Variants in ERCC6L2 observed in about 807,000 individuals in gnomAD.
ERCC6L2 encodes DNA excision repair protein ERCC-6-like 2.
A neutral mutation model predicts 132.0 loss-of-function variants in ERCC6L2; 77 were observed. The observed-to-expected ratio is 0.58, with a 90% confidence interval of 0.49 to 0.71. The LOEUF (loss-of-function observed/expected upper bound fraction) is 0.71, where lower values mean the gene tolerates loss of function less well. Ranked by LOEUF, ERCC6L2 falls within the 30% of genes least tolerant of loss-of-function variation. The pLI is 0.00. For missense variants in ERCC6L2, 1,542 were observed against 1,837.6 expected (o/e 0.84, Z 2.94); for synonymous variants, 583 against 632.4 (o/e 0.92, Z 1.17).
chr9:96,012,198 C>T, intron 18 of ERCC6L2, 27 bp from the exon 19 acceptor site: 1 of 1,191,514 alleles, frequency 8.4e-7, no homozygotes, highest in Non-Finnish European at 1.1e-6. Flanking sequence ...TGAAAATAAC[C>T]ACTAGTTTTG....
At chr9:96,004,493 A>C (rs1833795050) in intron 17 of ERCC6L2, 27 bp from the exon 18 acceptor site, 2 of 1,259,606 alleles carry the variant, frequency 1.6e-6, no homozygotes, top group Non-Finnish European at 2.1e-6. Context: ...TTTCAGACAT[A>C]GCTTTTGTTT....
At chr9:95,957,876 GTT>G (rs59212662) in intron 13 of ERCC6L2, among the ~76,000 whole-genome samples, 1 of 145,838 alleles carries the variant, frequency 6.9e-6, no homozygotes, top group African/African-American at 2.5e-5. Flanking sequence ...TTATGTTTTT[GTT>G]TTTTTTTTTA....
chr9:95,898,522 A>G (rs550427111), intron 3 of ERCC6L2, among the ~76,000 whole-genome samples: 1 of 152,282 alleles, frequency 6.6e-6, no homozygotes, highest in South Asian at 2.1e-4. Context: ...ATTCATATCC[A>G]TACTTCAGTT....
intron 15 of ERCC6L2, among the ~76,000 whole-genome samples, chr9:95,971,215 T>C (rs1055059813): frequency 5.9e-5 from 9 of 152,152 alleles, no homozygotes; most frequent in Non-Finnish European, 1.3e-4. Flanking sequence ...AACTATCAAT[T>C]TATACCAGTC....
intron 11 of ERCC6L2, among the ~76,000 whole-genome samples, chr9:95,931,519 G>C (rs1830338904): frequency 6.6e-6 from 1 of 152,086 alleles, no homozygotes; most frequent in African/African-American, 2.4e-5. Context: ...AGAATATATA[G>C]GAAGTAAATT....
chr9:96,019,536 T>G (rs1413381706), downstream of ERCC6L2, among the ~76,000 whole-genome samples: 1 of 152,096 alleles, frequency 6.6e-6, no homozygotes, highest in Non-Finnish European at 1.5e-5. Context: ...TCTCTCAGCT[T>G]CCTGCTCACC....
At position 96,034,714 on chromosome 9, in the gene ERCC6L2, T is replaced by G. The variant is rs540798397; in HGVS notation, c.*1504-4162T>G. Among the ~76,000 whole-genome samples the G allele has an allele frequency of 1.4e-3, 210 of 150,362 alleles. 1 individual carries two copies. Among genetic ancestry groups the G allele is most frequent in the South Asian group, 2.5e-3 (12 of 4,730 alleles). The stretch of plus-strand genomic sequence containing the variant: ...CTTCTGAGTTTGGGTGGGAATTCCC[T>G]GGGTGCTGCTGCAGCTGCCCAAGCT... On this transcript the variant is annotated intron_variant and NMD_transcript_variant, in intron 19 of 20. Coordinates refer to the ERCC6L2 transcript ENST00000670016.
At chr9:95,969,687 C>G (rs1013314936) in intron 14 of ERCC6L2, among the ~76,000 whole-genome samples, 1 of 152,156 alleles carries the variant, frequency 6.6e-6, no homozygotes, top group African/African-American at 2.4e-5. Context: ...GGCTTCCCAT[C>G]CCATTGCTGT....
intron 9 of ERCC6L2, among the ~76,000 whole-genome samples, chr9:95,923,942 G>A (rs1430530695): frequency 6.6e-6 from 1 of 151,996 alleles, no homozygotes; most frequent in Non-Finnish European, 1.5e-5. Flanking sequence ...ACCGAGGGAA[G>A]GGTGGGAAAA....
At chr9:95,934,810 G>A (rs1264528378) in intron 11 of ERCC6L2, among the ~76,000 whole-genome samples, 4 of 152,136 alleles carry the variant, frequency 2.6e-5, no homozygotes, top group Non-Finnish European at 5.9e-5. Flanking sequence ...CCAACACCAG[G>A]AATCATGAGC....
At chr9:95,914,215 T>C (rs901581387) in intron 4 of ERCC6L2, among the ~76,000 whole-genome samples, 4 of 152,236 alleles carry the variant, frequency 2.6e-5, no homozygotes, top group Non-Finnish European at 5.9e-5. Context: ...CATGTTTTAA[T>C]TTGCAGTTCT....
intron 3 of ERCC6L2, among the ~76,000 whole-genome samples, chr9:95,903,300 T>C (rs1828867675): frequency 6.6e-6 from 1 of 152,114 alleles, no homozygotes; most frequent in Non-Finnish European, 1.5e-5. Context: ...TATTCTGTCC[T>C]AATTATTTGT....
intron 14 of ERCC6L2, among the ~76,000 whole-genome samples, chr9:95,969,978 A>G (rs939176836): frequency 3.3e-5 from 5 of 152,194 alleles, no homozygotes; most frequent in Non-Finnish European, 5.9e-5. Context: ...CTTCTGCTAA[A>G]TGATACACCA....
intron 3 of ERCC6L2, among the ~76,000 whole-genome samples, chr9:95,900,643 T>G (rs1828725815): frequency 6.6e-6 from 1 of 152,170 alleles, no homozygotes; most frequent in Admixed American, 6.5e-5. Context: ...ATTTTTTTCT[T>G]TGTGATTACA....
downstream of ERCC6L2, chr9:96,021,034 C>T (rs1452429843): frequency 1.5e-5 from 7 of 454,818 alleles, no homozygotes; most frequent in African/African-American, 4.0e-5. The surrounding 1 kb of genome is among the most constrained non-coding windows in gnomAD (Gnocchi z 4.7). Context: ...CTCGCAGCGC[C>T]GCCGCGGCGA....
intron 14 of ERCC6L2, among the ~76,000 whole-genome samples, chr9:95,969,567 TTATC>T (rs1832320489): frequency 6.6e-6 from 1 of 152,154 alleles, no homozygotes; most frequent in African/African-American, 2.4e-5. Context: ...GAGTGGCCAT[TTATC>T]TATAATAACG....
At chr9:95,950,138 T>C (rs1224365291) in intron 12 of ERCC6L2, among the ~76,000 whole-genome samples, 4 of 152,096 alleles carry the variant, frequency 2.6e-5, no homozygotes, top group African/African-American at 2.4e-5. Flanking sequence ...TGGACAAATA[T>C]AAATACCAGT....
intron 13 of ERCC6L2, among the ~76,000 whole-genome samples, chr9:95,965,127 C>G (rs1056436446): frequency 2.0e-5 from 3 of 152,084 alleles, no homozygotes; most frequent in Non-Finnish European, 2.9e-5. Context: ...TGATCCATAA[C>G]TTCTTTAAAT....
At chr9:95,904,354 T>G (rs981281236) in intron 3 of ERCC6L2, among the ~76,000 whole-genome samples, 4 of 152,152 alleles carry the variant, frequency 2.6e-5, no homozygotes, top group Non-Finnish European at 4.4e-5. Flanking sequence ...TTTCATGTAT[T>G]CATTCATCAA....
Sources: gnomAD v4.1 joint callset for allele counts (sites outside exome capture counted in the v4.1 genomes callset) on GRCh38, gnomAD v4.1.1 for gene constraint, Gnocchi (gnomAD v3.1) non-coding constraint, MANE v1.5 for transcripts, NCBI Gene and HGNC (gene_info 2026-07-23, HGNC 2026-07-21) for gene names.